The following BTD variants were observed in gnomAD, a reference collection of about 807,000 sequenced individuals.
The protein encoded by BTD is biocytinase.
Under a neutral mutation model 17.7 loss-of-function variants are expected in BTD, and 13 were observed. The ratio of observed to expected loss-of-function variants is 0.74; its 90% CI spans 0.48 to 1.17. The LOEUF (loss-of-function observed/expected upper bound fraction) is 1.17. Ranked by LOEUF, BTD falls within the 50% of genes most tolerant of loss-of-function variation. The pLI, the probability that BTD is intolerant of heterozygous loss-of-function variation, is 0.00. For missense variants in BTD, 674 were observed against 650.4 expected, an observed-to-expected ratio of 1.04 and a Z score of -0.39; for synonymous variants, 240 against 245.2, an observed-to-expected ratio of 0.98 and a Z score of 0.20.
chr3:15,614,632 C>G (rs1204419626), intron 1 of BTD, among the ~76,000 whole-genome samples: 1 of 144,948 alleles, frequency 6.9e-6, no homozygotes, highest in African/African-American at 2.6e-5. Context: ...GAGTCTCTCT[C>G]TATTACCCAG....
intron 1 of BTD, among the ~76,000 whole-genome samples, chr3:15,602,658 G>A (rs2064303651): frequency 1.3e-5 from 2 of 152,140 alleles, no homozygotes; most frequent in Non-Finnish European, 2.9e-5. Flanking sequence ...TGAGAGGGGA[G>A]TGGGTCATGG....
At chr3:15,695,738 G>A (rs1468248210) in intron 3 of BTD, among the ~76,000 whole-genome samples, 1 of 152,096 alleles carries the variant, frequency 6.6e-6, no homozygotes, top group Non-Finnish European at 1.5e-5. Context: ...CTTGTTAGGA[G>A]GGGTTGTGAA....
downstream of BTD, chr3:15,713,386 G>A: frequency 1.6e-6 from 1 of 609,900 alleles, no homozygotes; most frequent in Non-Finnish European, 2.8e-6. Context: ...CTACCACTTT[G>A]TCAATACAAA....
At chr3:15,654,034 T>C (rs2065844434), downstream of BTD, among the ~76,000 whole-genome samples, 1 of 152,244 alleles carries the variant, frequency 6.6e-6, no homozygotes, top group African/African-American at 2.4e-5. Flanking sequence ...GACTGTTACC[T>C]TTAGCGAGAG....
At chr3:15,608,788 A>G (rs2064533000) in intron 1 of BTD, among the ~76,000 whole-genome samples, 1 of 151,812 alleles carries the variant, frequency 6.6e-6, no homozygotes, top group South Asian at 2.1e-4. Flanking sequence ...AAAAGAAATC[A>G]TAGTATTTCT....
Position 15,652,114 on chromosome 3 carries a change from G to A in BTD, c.*6626G>A, listed in dbSNP as rs966076113. Among the ~76,000 whole-genome samples, 4 of 152,232 alleles carry A rather than the reference G, an allele frequency of 2.6e-5. No individual in the cohort carries two copies. The highest frequency in any genetic ancestry group is 9.6e-5 in the African/African-American group (4 of 41,460). Reference sequence around the variant, plus strand: ...GAGGCCAAGCCTGGCGGATCACAAGGTTAGGAGTTCAAGACCAGTCTGGCC... The same window carrying A: ...GAGGCCAAGCCTGGCGGATCACAAGATTAGGAGTTCAAGACCAGTCTGGCC... On this transcript the variant is annotated 3_prime_UTR_variant, in exon 4 of 4. Transcript: ENST00000643237.
At chr3:15,607,082 A>G (rs2064480564) in intron 1 of BTD, among the ~76,000 whole-genome samples, 1 of 151,836 alleles carries the variant, frequency 6.6e-6, no homozygotes, top group Non-Finnish European at 1.5e-5. Context: ...ACAGGATTCC[A>G]GGATTCTTTT....
intron 3 of BTD, among the ~76,000 whole-genome samples, chr3:15,688,226 A>G (rs1174639881): frequency 6.6e-6 from 1 of 152,184 alleles, no homozygotes; most frequent in Non-Finnish European, 1.5e-5. Flanking sequence ...TAATTTTTCT[A>G]GCTATAGATT....
intron 3 of BTD, chr3:15,667,831 G>C (rs2066060368): frequency 6.6e-6 from 1 of 152,212 alleles, no homozygotes; most frequent in Non-Finnish European, 1.5e-5. Flanking sequence ...AGTGATGCAG[G>C]ATAGAAGTTC....
At position 15,650,157 on chromosome 3, in the gene BTD, C is replaced by CTGAA. The variant is rs565441164; in HGVS notation, c.*4687_*4690dup. ...AAATCTGCTCTATGCTTGCTGACTG[C>CTGAA]TGAATGAATGAATGAATGAATAGGT... On this transcript the variant is annotated 3_prime_UTR_variant, in exon 4 of 4. Transcript: ENST00000643237. Among the ~76,000 whole-genome samples the CTGAA allele has an allele frequency of 2.3e-3, 355 of 152,232 alleles. 3 individuals carry two copies. Among genetic ancestry groups the CTGAA allele is most frequent in the African/African-American group, 7.1e-3 (297 of 41,540 alleles).
intron 2 of BTD, among the ~76,000 whole-genome samples, chr3:15,637,507 C>T (rs1181813574): frequency 1.3e-5 from 2 of 152,204 alleles, no homozygotes; most frequent in Non-Finnish European, 2.9e-5. Context: ...TAAATTTCAT[C>T]ATTCCAGCCT....
chr3:15,609,109 A>G lies in BTD; in HGVS notation c.-17+7215A>G, dbSNP rs2064542811. Among the ~76,000 whole-genome samples, 3 of 152,172 alleles carry G rather than the reference A, an allele frequency of 2.0e-5. No individual in the cohort carries two copies. In the South Asian group the frequency reaches 6.2e-4, roughly 32 times the overall value. The stretch of plus-strand genomic sequence containing the variant: ...AACTTAAGCCCTTAAACTTCTTTTT[A>G]CATCATAACGTTTGAGTTCTTCTTT... On this transcript the variant is annotated intron_variant, in intron 1 of 3. Coordinates refer to ENST00000643237, the MANE Select transcript of BTD (RefSeq NM_001370658.1).
rs1429703858 is a variant in BTD at position 15,632,392 on chromosome 3, G to C, written c.-16-3032G>C. 2.0e-5 allele frequency among the ~76,000 whole-genome samples: 3 copies of C among 152,310 alleles called. No individual in the cohort carries two copies. The East Asian group carries it at 5.8e-4, about 29-fold the overall frequency. ...CTGAAGCCAGCACCTTCCTGGTTCT[G>C]CTGTTCCCTGGAAGTGGGGTTCAGT... On this transcript the variant is annotated intron_variant, in intron 1 of 3. Transcript: ENST00000643237.
rs2014933 is a variant in BTD, at chr3:15,652,352, A to G, written c.*6864A>G. Among the ~76,000 whole-genome samples the G allele has an allele frequency of 0.11, 16,170 of 152,128 alleles. 1,173 individuals are homozygous for G. Among genetic ancestry groups the G allele is most frequent in the East Asian group, 0.4 (2,079 of 5,156 alleles). On this transcript the variant is annotated 3_prime_UTR_variant, in exon 4 of 4. Coordinates refer to ENST00000643237, the MANE Select transcript of BTD (RefSeq NM_001370658.1). ...AAAAAAAAAAGATACTGCAGCTTCT[A>G]TCTTGGTTGCTCACTTGCTATCTTG...
chr3:15,630,280 T>A (rs1466215807), intron 1 of BTD, among the ~76,000 whole-genome samples: 2 of 152,346 alleles, frequency 1.3e-5, no homozygotes, highest in Middle Eastern at 3.4e-3. Flanking sequence ...GCTATTGCGA[T>A]ACCTAAGGTC....
chr3:15,695,829 C>G lies in BTD; in HGVS notation c.400-14231C>G, dbSNP rs185737407. Among the ~76,000 whole-genome samples the G allele has an allele frequency of 9.2e-5, 14 of 152,070 alleles. No individual in the cohort carries two copies. In the East Asian group the frequency reaches 2.5e-3, roughly 27 times the overall value. On this transcript the variant is annotated intron_variant, in intron 3 of 3. Transcript: ENST00000672141. ...GGACTTTTATTTCTCACAAAAGACACAGTTATAGTTTTTTAGAAACTTATG... is the reference window on the plus strand; with the variant it reads ...GGACTTTTATTTCTCACAAAAGACAGAGTTATAGTTTTTTAGAAACTTATG...
At chr3:15,696,101 A>C (rs2069510339) in intron 3 of BTD, 1 of 1,378,610 alleles carries the variant, frequency 7.3e-7, no homozygotes, top group East Asian at 2.4e-5. Context: ...ATAAACTCCC[A>C]TTAGGTCTTT....
chr3:15,657,825 GA>G (rs369674664), downstream of BTD, among the ~76,000 whole-genome samples: 1,915 of 143,376 alleles, frequency 0.013, 40 homozygotes, highest in African/African-American at 0.043. Flanking sequence ...AAGCAACACT[GA>G]AAAAAAAAAA....
intron 1 of BTD, among the ~76,000 whole-genome samples, chr3:15,626,947 C>T (rs1329704920): frequency 6.6e-6 from 1 of 152,102 alleles, no homozygotes; most frequent in African/African-American, 2.4e-5. Flanking sequence ...GGAAAAAAGG[C>T]ATGCAAATAG....
Sources: gnomAD v4.1 joint callset for allele counts (sites outside exome capture counted in the v4.1 genomes callset) on GRCh38, gnomAD v4.1.1 for gene constraint, MANE v1.5 for transcripts, NCBI Gene and HGNC (gene_info 2026-07-23, HGNC 2026-07-21) for gene names.